The following TAFA2 variants were observed in gnomAD, a reference collection of about 807,000 sequenced individuals.
TAFA2 encodes the protein chemokine-like protein TAFA-2.
In TAFA2, 7 loss-of-function variants were observed where a neutral mutation model predicts 18.8. That is an observed-to-expected ratio of 0.37 (90% CI 0.21 to 0.70). TAFA2 has a LOEUF of 0.70. Among genes scored for constraint, TAFA2 ranks in the 30% least tolerant of loss-of-function variants. The pLI is 0.53. For missense variants in TAFA2, 122 were observed against 158.1 expected, an observed-to-expected ratio of 0.77 and a Z score of 1.23; for synonymous variants, 60 against 54.2, an observed-to-expected ratio of 1.11 and a Z score of -0.47.
intron 1 of TAFA2, among the ~76,000 whole-genome samples, chr12:61,907,480 C>T (rs1876410261): frequency 6.6e-6 from 1 of 152,158 alleles, no homozygotes; most frequent in Admixed American, 6.5e-5. Context: ...GGAACCTCCA[C>T]CTAGATTTCA....
intron 1 of TAFA2, among the ~76,000 whole-genome samples, chr12:61,969,538 G>A (rs1214761194): frequency 1.3e-5 from 2 of 151,540 alleles, no homozygotes; most frequent in Admixed American, 1.3e-4. Flanking sequence ...GTGTAAGAGG[G>A]CAATGCATAA....
intron 1 of TAFA2, among the ~76,000 whole-genome samples, chr12:61,990,039 C>T (rs917998822): frequency 1.3e-5 from 2 of 152,140 alleles, no homozygotes; most frequent in Admixed American, 6.5e-5. Context: ...ATCACTACAA[C>T]TCCCCAATTG....
intron 1 of TAFA2, among the ~76,000 whole-genome samples, chr12:61,925,934 CA>C: frequency 6.6e-6 from 1 of 152,048 alleles, no homozygotes; most frequent in Non-Finnish European, 1.5e-5. Context: ...AAAAGATTAA[CA>C]AAATATATAG....
At chr12:61,745,899 T>C (rs1301042939) in intron 4 of TAFA2, among the ~76,000 whole-genome samples, 1 of 151,862 alleles carries the variant, frequency 6.6e-6, no homozygotes, top group South Asian at 2.1e-4. Context: ...AGGGAACAGA[T>C]GGGGGAAGGG....
intron 1 of TAFA2, among the ~76,000 whole-genome samples, chr12:62,256,524 G>A (rs937671657): frequency 4.6e-5 from 7 of 152,144 alleles, no homozygotes; most frequent in East Asian, 3.9e-4. Context: ...TTCAGCCTCC[G>A]AAATCTAATC....
chr12:61,986,381 C>T (rs1445886845), intron 1 of TAFA2, among the ~76,000 whole-genome samples: 2 of 151,780 alleles, frequency 1.3e-5, no homozygotes, highest in Non-Finnish European at 2.9e-5. Context: ...CCAGGCTGGT[C>T]TAGAACTCCT....
chr12:62,235,530 G>A, intron 1 of TAFA2: 2 of 461,532 alleles, frequency 4.3e-6, no homozygotes, highest in East Asian at 7.7e-5. Flanking sequence ...ACTAGGTGGT[G>A]TCTAGACTCT....
intron 1 of TAFA2, among the ~76,000 whole-genome samples, chr12:61,992,488 C>G (rs1180470907): frequency 6.6e-6 from 1 of 152,196 alleles, no homozygotes; most frequent in Non-Finnish European, 1.5e-5. Flanking sequence ...GCAAGAACAT[C>G]CCTGCTTCTG....
At chr12:62,114,285 C>A (rs1251178475) in intron 1 of TAFA2, among the ~76,000 whole-genome samples, 1 of 152,110 alleles carries the variant, frequency 6.6e-6, no homozygotes, top group African/African-American at 2.4e-5. Context: ...AAGGTGATGC[C>A]CCACCCTGCT....
chr12:62,250,567 A>T (rs944343250), intron 1 of TAFA2, among the ~76,000 whole-genome samples: 21 of 152,116 alleles, frequency 1.4e-4, no homozygotes, highest in African/African-American at 5.1e-4. Context: ...TCTAAAAACT[A>T]GAGGTTTTTT....
intron 1 of TAFA2, among the ~76,000 whole-genome samples, chr12:62,213,811 G>C (rs555146342): frequency 1.4e-4 from 22 of 152,228 alleles, no homozygotes; most frequent in Non-Finnish European, 3.1e-4. Context: ...TCCAAGAGTA[G>C]GTAGCCTCAA....
intron 2 of TAFA2, among the ~76,000 whole-genome samples, chr12:61,795,791 AAAAAT>A (rs1181228137): frequency 3.3e-5 from 5 of 151,894 alleles, no homozygotes; most frequent in Non-Finnish European, 5.9e-5. Flanking sequence ...AAAGAAAAAG[AAAAAT>A]AAAATAAGAT....
At chr12:61,788,749 T>C (rs1477454971) in intron 2 of TAFA2, among the ~76,000 whole-genome samples, 1 of 151,728 alleles carries the variant, frequency 6.6e-6, no homozygotes, top group Non-Finnish European at 1.5e-5. Flanking sequence ...CATGAGAAAC[T>C]GCTATGAACA....
intron 1 of TAFA2, among the ~76,000 whole-genome samples, chr12:62,064,381 G>A (rs939855596): frequency 1.3e-5 from 2 of 151,906 alleles, no homozygotes; most frequent in Non-Finnish European, 2.9e-5. Flanking sequence ...AACCCACTTG[G>A]TTTTGAATAA....
chr12:61,918,547 A>G (rs922783169), intron 1 of TAFA2, among the ~76,000 whole-genome samples: 1 of 151,942 alleles, frequency 6.6e-6, no homozygotes, highest in African/African-American at 2.4e-5. Flanking sequence ...TTCTTTATCT[A>G]CTCATCTGTT....
intron 1 of TAFA2, among the ~76,000 whole-genome samples, chr12:62,130,267 C>T (rs1306515131): frequency 6.6e-6 from 1 of 151,922 alleles, no homozygotes; most frequent in Non-Finnish European, 1.5e-5. Context: ...AAGTAATTCA[C>T]ATCTTTTCGG....
rs72482288 is a variant in TAFA2, at chr12:62,215,630, A to C, written c.-130+43133T>G. On this transcript the variant is annotated intron_variant, in intron 1 of 5. Coordinates refer to the TAFA2 transcript ENST00000551619. ...CTTAAGAGAAACAACTCGTTTATCAAAAAAAAAAAAAAACAAGAGGAAGAA... is the reference window on the plus strand; with the variant it reads ...CTTAAGAGAAACAACTCGTTTATCACAAAAAAAAAAAAACAAGAGGAAGAA... Among the ~76,000 whole-genome samples, 995 of 110,386 alleles carry C rather than the reference A, an allele frequency of 9.0e-3. 9 individuals are homozygous for C. Among genetic ancestry groups the C allele is most frequent in the East Asian group, 0.053 (221 of 4,180 alleles). 72.4% of individuals were successfully genotyped at this position (110,386 alleles called of 152,430 possible). A position where few individuals can be genotyped will look rare whatever the true frequency, so the allele number is the denominator to read the frequency against.
chr12:61,753,594 T>C lies in TAFA2; in HGVS notation c.384+28A>G, dbSNP rs551179878. 8.1e-6 allele frequency: 13 copies of C among 1,600,334 alleles called. No individual in the cohort carries two copies. In the South Asian group the frequency reaches 1.3e-4, roughly 17 times the overall value. ...GTTCTCTATTAATTCAGAGACATTCTGTTTTCCCAAGCTTGCTGTCCACTT... is the reference window on the plus strand; with the variant it reads ...GTTCTCTATTAATTCAGAGACATTCCGTTTTCCCAAGCTTGCTGTCCACTT... On this transcript the variant is annotated intron_variant, in intron 4 of 4. Coordinates refer to ENST00000416284, the MANE Select transcript of TAFA2 (RefSeq NM_178539.5).
At chr12:62,110,074 C>CT (rs138858978) in intron 1 of TAFA2, among the ~76,000 whole-genome samples, 34,107 of 152,012 alleles carry the variant, frequency 0.22, 4,194 homozygotes, top group East Asian at 0.37. Context: ...AAAGGTAATG[C>CT]TCCAGCTTTT....
Sources: allele counts gnomAD v4.1 joint callset (sites outside exome capture counted in the v4.1 genomes callset), GRCh38; gene constraint gnomAD v4.1.1; transcripts MANE v1.5; gene names NCBI Gene and HGNC (gene_info 2026-07-23, HGNC 2026-07-21).